The following OXCT1 variants were observed in gnomAD, a reference collection of about 807,000 sequenced individuals.
OXCT1 encodes the protein 3-oxoacid CoA-transferase 1, also known as succinyl-CoA:3-ketoacid coenzyme A transferase 1, mitochondrial.
A neutral mutation model predicts 69.6 loss-of-function variants in OXCT1; 27 were observed. That is an observed-to-expected ratio of 0.39 (90% confidence interval 0.29 to 0.54). The LOEUF is 0.54. OXCT1 is among the 20% of genes least tolerant of loss of function. The probability of loss-of-function intolerance (pLI) is 0.72; values close to 1 mark genes in which losing one functional copy is unlikely to be tolerated. For missense variants in OXCT1, 437 were observed against 650.2 expected, an observed-to-expected ratio of 0.67 and a Z score of 3.57; for synonymous variants, 202 against 217.8, an observed-to-expected ratio of 0.93 and a Z score of 0.64.
At chr5:41,758,050 T>C (rs982333223) in intron 14 of OXCT1, among the ~76,000 whole-genome samples, 1 of 152,022 alleles carries the variant, frequency 6.6e-6, no homozygotes, top group African/African-American at 2.4e-5. Flanking sequence ...AATGCTGCAG[T>C]AGTGATCTAT....
chr5:41,863,370 C>T (rs1005695686), intron 1 of OXCT1, among the ~76,000 whole-genome samples: 1 of 151,978 alleles, frequency 6.6e-6, no homozygotes, highest in East Asian at 1.9e-4. Context: ...TATTATTAAC[C>T]ATAGTCGCCA....
intron 1 of OXCT1, among the ~76,000 whole-genome samples, chr5:41,868,208 G>A (rs985466300): frequency 3.3e-5 from 5 of 152,206 alleles, no homozygotes; most frequent in Non-Finnish European, 5.9e-5. Flanking sequence ...TATGTTTAGT[G>A]GAAAAACTCA....
intron 1 of OXCT1, among the ~76,000 whole-genome samples, chr5:41,864,463 C>T (rs1749872448): frequency 6.6e-6 from 1 of 152,068 alleles, no homozygotes; most frequent in South Asian, 2.1e-4. Flanking sequence ...AAGAGTTTTC[C>T]CTCTTTTCTA....
intron 13 of OXCT1, among the ~76,000 whole-genome samples, chr5:41,784,212 A>G (rs1237832781): frequency 6.6e-6 from 1 of 152,230 alleles, no homozygotes; most frequent in African/African-American, 2.4e-5. Flanking sequence ...GAAATTTTCC[A>G]AAGAATTCTT....
chr5:41,762,308 C>T lies in OXCT1; in HGVS notation c.1249-108G>A. The T allele has an allele frequency of 1.1e-6, 1 of 869,946 alleles. No individual in the cohort carries two copies. The allele number at this position is 869,946 out of a possible 1,614,324, so 53.9% of individuals were successfully genotyped here. On this transcript the variant is annotated intron_variant, in intron 13 of 16. Transcript: ENST00000196371. This position sits in a 1 kb window ranked among gnomAD's most constrained non-coding sequence, Gnocchi z 4.0. ...ACTAGAATCATTAAAAACTCATTGT[C>T]CTTCATTGCTTAGTGCTTGAAGTTC...
intron 15 of OXCT1, among the ~76,000 whole-genome samples, chr5:41,745,032 A>C (rs916584095): frequency 7.2e-5 from 11 of 152,172 alleles, no homozygotes; most frequent in Non-Finnish European, 1.2e-4. Context: ...AACTGAACTC[A>C]ACTCTGCACC....
In OXCT1 at chr5:41,739,453, CAG is replaced by C; in HGVS notation, c.1456_1457del (p.Leu486AspfsTer2). On this transcript the variant is annotated frameshift_variant, in exon 16 of 17. Transcript: ENST00000196371. LOFTEE classifies it high-confidence loss of function. ...FDVDKKKGLT[L>X]IELWEGLTVD... is the part of the protein sequence containing the mutation. ...CTGTCAGGCCTTCCCAGAGCTCAAT[CAG>C]AGTCAACCCTTTCTTCTTGTCCACA... The C allele has an allele frequency of 6.2e-7, 1 of 1,613,912 alleles. No homozygotes were observed. The highest frequency in any genetic ancestry group is 8.5e-7 in the Non-Finnish European group (1 of 1,179,768).
intron 16 of OXCT1, among the ~76,000 whole-genome samples, chr5:41,736,324 A>G (rs189609305): frequency 6.6e-6 from 1 of 152,352 alleles, no homozygotes; most frequent in East Asian, 1.9e-4. Flanking sequence ...GACATATATG[A>G]CCTTCAAGAT....
intron 3 of OXCT1, among the ~76,000 whole-genome samples, chr5:41,854,239 G>T (rs937545444): frequency 6.6e-6 from 1 of 152,098 alleles, no homozygotes; most frequent in African/African-American, 2.4e-5. Flanking sequence ...TCCTGTATCT[G>T]TTAAATTATA....
rs941981983 is a variant in OXCT1, at chr5:41,850,234, G to A, written c.415-55C>T. ...TTCACTAAGCACACTTCTCTATGTGGACACAAACATTTAGACGTGGTTCCT... is the reference window on the plus strand; with the variant it reads ...TTCACTAAGCACACTTCTCTATGTGAACACAAACATTTAGACGTGGTTCCT... On this transcript the variant is annotated intron_variant, in intron 4 of 16. Coordinates refer to ENST00000196371, the MANE Select transcript of OXCT1 (RefSeq NM_000436.4). 2.8e-5 allele frequency: 45 copies of A among 1,596,192 alleles called. 2 individuals are homozygous for A. The highest frequency in any genetic ancestry group is 6.9e-6 in the Non-Finnish European group (8 of 1,166,620).
At chr5:41,747,508 G>T (rs536802341) in intron 15 of OXCT1, among the ~76,000 whole-genome samples, 9 of 152,160 alleles carry the variant, frequency 5.9e-5, no homozygotes, top group Non-Finnish European at 5.9e-5. Context: ...TCAGTATAGT[G>T]GTTTGTGCTA....
At chr5:41,838,927 A>G (rs2112394276) in intron 7 of OXCT1, among the ~76,000 whole-genome samples, 1 of 152,322 alleles carries the variant, frequency 6.6e-6, no homozygotes, top group African/African-American at 2.4e-5. Context: ...TATAAGTCAC[A>G]TGTGGCTAGT....
rs541086381 is a variant in OXCT1 at position 41,762,737 on chromosome 5, G to A, written c.1249-537C>T. On this transcript the variant is annotated intron_variant, in intron 13 of 16. Coordinates refer to ENST00000196371, the MANE Select transcript of OXCT1 (RefSeq NM_000436.4). This position sits in a 1 kb window ranked among gnomAD's most constrained non-coding sequence, Gnocchi z 4.0. ...TTCTAACACTTGGCATTTATCTTGC[G>A]CTTAGAAAAATAAAATAAAAAACAT... Among the ~76,000 whole-genome samples, 221 of 152,154 alleles carry A rather than the reference G, an allele frequency of 1.5e-3. 3 individuals carry two copies. Among genetic ancestry groups the A allele is most frequent in the Admixed American group, 0.014 (207 of 15,246 alleles).
intron 13 of OXCT1, among the ~76,000 whole-genome samples, chr5:41,773,442 A>T (rs975858617): frequency 9.2e-5 from 14 of 151,844 alleles, no homozygotes; most frequent in Non-Finnish European, 1.6e-4. Flanking sequence ...AAGAAAAAAA[A>T]ATTAATTAGC....
At chr5:41,844,367 C>T (rs1748789759) in intron 5 of OXCT1, among the ~76,000 whole-genome samples, 1 of 152,138 alleles carries the variant, frequency 6.6e-6, no homozygotes, top group Non-Finnish European at 1.5e-5. Context: ...CAATTCCAGG[C>T]CCTGTATTAC....
At chr5:41,861,542 C>A in intron 2 of OXCT1, 138 bp from the exon 3 acceptor site, 1 of 704,032 alleles carries the variant, frequency 1.4e-6, no homozygotes, top group Non-Finnish European at 2.6e-6. Flanking sequence ...ACAGATATAT[C>A]TCAGCAGCTA....
intron 5 of OXCT1, 32 bp downstream of exon 5, chr5:41,849,998 C>G: frequency 6.2e-7 from 1 of 1,610,830 alleles, no homozygotes; most frequent in Non-Finnish European, 8.5e-7. Context: ...AAAGAGGGAT[C>G]CTGGTATAAT....
chr5:41,803,282 AT>A (rs1746509062), intron 9 of OXCT1, 119 bp from the exon 10 acceptor site: 3 of 670,826 alleles, frequency 4.5e-6, no homozygotes, highest in Non-Finnish European at 5.4e-6. Flanking sequence ...TCTGAATGTA[AT>A]AAATGAATAT....
At chr5:41,859,690 A>T (rs1024022057) in intron 3 of OXCT1, among the ~76,000 whole-genome samples, 2 of 151,758 alleles carry the variant, frequency 1.3e-5, no homozygotes, top group Non-Finnish European at 1.5e-5. Flanking sequence ...CATGGCCTAC[A>T]TCTGATTATT....
Sources: gnomAD v4.1 joint callset for allele counts (sites outside exome capture counted in the v4.1 genomes callset) on GRCh38, gnomAD v4.1.1 for gene constraint, Gnocchi (gnomAD v3.1) non-coding constraint, MANE v1.5 for transcripts, NCBI Gene and HGNC (gene_info 2026-07-23, HGNC 2026-07-21) for gene names.